DIP2C: variants seen among roughly 807,000 people sequenced by gnomAD.
DIP2C encodes the protein DIP2 acetate--CoA ligase C (putative), also known as disco-interacting protein 2 homolog C.
In DIP2C, 33 loss-of-function variants were observed where a neutral mutation model predicts 192.4. The observed-to-expected ratio is 0.17, with a 90% CI of 0.13 to 0.23. The LOEUF (loss-of-function observed/expected upper bound fraction) is 0.23. Among genes scored for constraint, DIP2C ranks in the 10% least tolerant of loss-of-function variants. The pLI, the probability that DIP2C is intolerant of heterozygous loss-of-function variation, is 1.00. For missense variants in DIP2C, 1,537 were observed against 2,110.1 expected (o/e 0.73, Z 5.32); for synonymous variants, 979 against 864.1 (o/e 1.13, Z -2.33).
At chr10:684,616 G>T (rs994497025) in intron 1 of DIP2C, among the ~76,000 whole-genome samples, 3 of 152,136 alleles carry the variant, frequency 2.0e-5, no homozygotes, top group African/African-American at 7.2e-5. Flanking sequence ...GTGCAGGGTG[G>T]AACCTCCAAG....
At chr10:472,953 ATT>A (rs1970749512) in intron 2 of DIP2C, among the ~76,000 whole-genome samples, 1 of 152,246 alleles carries the variant, frequency 6.6e-6, no homozygotes, top group Non-Finnish European at 1.5e-5. Context: ...TTAAAAGTAT[ATT>A]TGTTATTAAA....
At chr10:546,127 T>C (rs1231206725) in intron 1 of DIP2C, among the ~76,000 whole-genome samples, 3 of 150,846 alleles carry the variant, frequency 2.0e-5, no homozygotes, top group Non-Finnish European at 4.4e-5. Context: ...ACTAAAATAA[T>C]AAAAATTATC....
At chr10:656,145 A>AT (rs374027119) in intron 1 of DIP2C, among the ~76,000 whole-genome samples, 1 of 190 alleles carries the variant, frequency 5.3e-3, no homozygotes, top group African/African-American at 0.018. Flanking sequence ...CTATACTATA[A>AT]GTTACACTGT....
intron 1 of DIP2C, among the ~76,000 whole-genome samples, chr10:606,958 C>T (rs958941736): frequency 1.3e-5 from 2 of 152,208 alleles, no homozygotes; most frequent in African/African-American, 4.8e-5. Context: ...GACGCACACC[C>T]CAAACCCAAG....
At chr10:563,942 C>G (rs762477264) in intron 1 of DIP2C, among the ~76,000 whole-genome samples, 1 of 152,142 alleles carries the variant, frequency 6.6e-6, no homozygotes, top group Non-Finnish European at 1.5e-5. Flanking sequence ...TTCAGGGAAT[C>G]GATGCTGAAT....
intron 31 of DIP2C, among the ~76,000 whole-genome samples, chr10:315,935 T>C (rs1467413680): frequency 2.6e-5 from 4 of 152,228 alleles, no homozygotes; most frequent in East Asian, 3.8e-4. Context: ...TCCTCTGCTG[T>C]ATCTAGTCTC....
chr10:495,941 G>A (rs1290887315), intron 1 of DIP2C, among the ~76,000 whole-genome samples: 2 of 148,424 alleles, frequency 1.3e-5, no homozygotes, highest in Non-Finnish European at 3.0e-5. Flanking sequence ...AGAACCCACG[G>A]TGCCTTCCCG....
At chr10:480,036 G>T (rs1395140989) in intron 2 of DIP2C, among the ~76,000 whole-genome samples, 8 of 141,646 alleles carry the variant, frequency 5.6e-5, no homozygotes, top group African/African-American at 1.9e-4. Flanking sequence ...TTCTCATCCG[G>T]CAGCCTGAGA....
intron 30 of DIP2C, 140 bp downstream of exon 30, chr10:329,293 G>T: frequency 1.2e-6 from 1 of 846,956 alleles, no homozygotes; most frequent in Non-Finnish European, 1.7e-6. Flanking sequence ...AAGGCAGTTT[G>T]TAAGCTTCAG....
intron 1 of DIP2C, among the ~76,000 whole-genome samples, chr10:512,671 T>C (rs1195388827): frequency 6.6e-6 from 1 of 152,134 alleles, no homozygotes; most frequent in Non-Finnish European, 1.5e-5. Flanking sequence ...CCCAGCACTT[T>C]GGAAGGTCGG....
intron 1 of DIP2C, among the ~76,000 whole-genome samples, chr10:497,525 C>A (rs975522433): frequency 1.3e-5 from 2 of 152,164 alleles, no homozygotes; most frequent in Non-Finnish European, 2.9e-5. Flanking sequence ...CCTTCACTTG[C>A]GAACTGTTTG....
chr10:523,136 C>T (rs574133162), intron 1 of DIP2C, among the ~76,000 whole-genome samples: 1 of 151,258 alleles, frequency 6.6e-6, no homozygotes, highest in East Asian at 2.0e-4. Context: ...CCCACACACT[C>T]GTTTCTACCT....
chr10:339,438 A>C (rs1958035111), intron 29 of DIP2C, among the ~76,000 whole-genome samples: 2 of 152,156 alleles, frequency 1.3e-5, no homozygotes, highest in African/African-American at 4.8e-5. Context: ...AAACCCTTAA[A>C]GAGTGTATTG....
chr10:662,991 C>T (rs781111465), intron 1 of DIP2C: 23 of 713,636 alleles, frequency 3.2e-5, no homozygotes, highest in South Asian at 1.2e-4. Context: ...TTTATCTGAA[C>T]GTCACACAAA....
intron 24 of DIP2C, among the ~76,000 whole-genome samples, chr10:355,623 A>G (rs937121867): frequency 6.6e-6 from 1 of 152,232 alleles, no homozygotes; most frequent in South Asian, 2.1e-4. Context: ...TGTTAATAGT[A>G]TTAGCTTGTT....
intron 1 of DIP2C, among the ~76,000 whole-genome samples, chr10:499,755 G>A (rs746780409): frequency 6.6e-5 from 10 of 152,216 alleles, no homozygotes; most frequent in Non-Finnish European, 1.0e-4. Context: ...ATTACAATTC[G>A]AGATGAGATT....
chr10:484,064 C>T (rs1395981208), intron 2 of DIP2C, among the ~76,000 whole-genome samples: 1 of 152,224 alleles, frequency 6.6e-6, no homozygotes, highest in Non-Finnish European at 1.5e-5. Context: ...CTTCCTCAGC[C>T]TCCCCAAGTG....
chr10:335,667 T>C (rs1159045543), intron 29 of DIP2C, among the ~76,000 whole-genome samples: 1 of 152,236 alleles, frequency 6.6e-6, no homozygotes, highest in Non-Finnish European at 1.5e-5. Context: ...GGCAGGAGTA[T>C]CGCGGATGCG....
intron 1 of DIP2C, among the ~76,000 whole-genome samples, chr10:556,538 C>G (rs1434547428): frequency 2.0e-5 from 3 of 151,010 alleles, no homozygotes; most frequent in Admixed American, 1.3e-4. Flanking sequence ...ACTCAACAGC[C>G]TTAGACTGAA....
Sources: allele counts gnomAD v4.1 joint callset (sites outside exome capture counted in the v4.1 genomes callset), GRCh38; gene constraint gnomAD v4.1.1; transcripts MANE v1.5; gene names NCBI Gene and HGNC (gene_info 2026-07-23, HGNC 2026-07-21).